MTMR4: variants seen among roughly 807,000 people sequenced by gnomAD.
MTMR4 encodes myotubularin related protein 4.
MTMR4 carries 30 observed loss-of-function variants against 125.5 expected under a neutral mutation model. The ratio of observed to expected loss-of-function variants is 0.24; its 90% CI spans 0.18 to 0.32. The LOEUF (loss-of-function observed/expected upper bound fraction) is 0.32. Among genes scored for constraint, MTMR4 ranks in the 10% least tolerant of loss-of-function variants. The probability of loss-of-function intolerance (pLI) is 1.00; values close to 1 mark genes in which losing one functional copy is unlikely to be tolerated. For missense variants in MTMR4, 1,039 were observed against 1,511.5 expected, an observed-to-expected ratio of 0.69 and a Z score of 5.18; for synonymous variants, 498 against 564.5, an observed-to-expected ratio of 0.88 and a Z score of 1.67.
intron 17 of MTMR4, 99 bp downstream of exon 17, chr17:58,492,412 G>A (rs181952986): frequency 6.5e-5 from 65 of 994,254 alleles, no homozygotes; most frequent in Non-Finnish European, 8.8e-5. Flanking sequence ...CTCATGATCC[G>A]CCTGCCTCGG....
In MTMR4 at chr17:58,512,816, G is replaced by T. The variant is rs1198609735; in HGVS notation, c.135+36C>A. 1 of 1,562,174 alleles carries T rather than the reference G, an allele frequency of 6.4e-7. No individual in the cohort carries two copies. Among genetic ancestry groups the T allele is most frequent in the African/African-American group, 1.4e-5 (1 of 73,592 alleles). On this transcript the variant is annotated intron_variant, in intron 2 of 17. Transcript: ENST00000682306. The surrounding 1 kb of genome is among the most constrained non-coding windows in gnomAD (Gnocchi z 4.1). ...GGAGGGTGTTTTTTAACTGGGCAGG[G>T]AGCCCCATCTATCCTGGCCCCCAAC...
chr17:58,503,287 A>C (rs572240448), intron 14 of MTMR4, among the ~76,000 whole-genome samples: 10 of 152,230 alleles, frequency 6.6e-5, no homozygotes, highest in African/African-American at 1.9e-4. Context: ...CACAGAGTGC[A>C]CTCCAGGCTA....
chr17:58,514,360 T>C lies in MTMR4; in HGVS notation c.45+3A>G. 1 of 987,964 alleles carries C rather than the reference T, an allele frequency of 1.0e-6. No homozygotes were observed. The highest frequency in any genetic ancestry group is 4.6e-5 in the South Asian group (1 of 21,640). The allele number at this position is 987,964 out of a possible 1,614,324, so 61.2% of individuals were successfully genotyped here. A position where few individuals can be genotyped will look rare whatever the true frequency, so the allele number is the denominator to read the frequency against. On this transcript the variant is annotated splice_donor_region_variant and intron_variant, in intron 1 of 17. Transcript: ENST00000682306. ...GGCCCCCAAAGGCAGGGTGGGCACTTACGAAGCAGCTAAGCATGGAGCAGG... is the reference window on the plus strand; with the variant it reads ...GGCCCCCAAAGGCAGGGTGGGCACTCACGAAGCAGCTAAGCATGGAGCAGG...
In MTMR4 at chr17:58,504,761, C is replaced by G. The variant is rs890698142; in HGVS notation, c.1341+18G>C. ...TGCCACATTCCTTCTGGTTTTCCCA[C>G]CGAATTCCTCTCAATACCTCCAACG... is the stretch of plus-strand genomic sequence containing the variant. On this transcript the variant is annotated intron_variant, in intron 11 of 17. Transcript: ENST00000682306. The surrounding 1 kb of genome is among the most constrained non-coding windows in gnomAD (Gnocchi z 7.1). 2 of 1,579,664 alleles carry G rather than the reference C, an allele frequency of 1.3e-6. No individual in the cohort carries two copies. The highest frequency in any genetic ancestry group is 2.7e-5 in the African/African-American group (2 of 74,398).
Position 58,504,785 on chromosome 17 carries a change from C to T in MTMR4, c.1335G>A (p.Thr445=), listed in dbSNP as rs772116451. Residue 445 remains threonine (T), a synonymous_variant, in exon 11 of 18, where the codon ACG becomes ACA. Transcript: ENST00000682306. This position sits in a 1 kb window ranked among gnomAD's most constrained non-coding sequence, Gnocchi z 7.1. ...AKILLDPYYR[T]LEGFQVLVES... is the part of the protein sequence containing the mutation. ...ACCGAATTCCTCTCAATACCTCCAA[C>T]GTCCTGTAATATGGGTCCAGTAATA... The T allele has an allele frequency of 5.8e-5, 93 of 1,599,906 alleles. 1 individual carries two copies. The highest frequency in any genetic ancestry group is 1.7e-4 in the Middle Eastern group (1 of 6,018).
rs778493303 is a variant in MTMR4, at chr17:58,495,374, G to A, written c.2810C>T (p.Thr937Ile). Reference sequence around the variant, plus strand: ...GCCATAGGAAAGCAGCCGCCGAGGGGTGGCCTCCCCACTTGGGAATGAAGT... The same window carrying A: ...GCCATAGGAAAGCAGCCGCCGAGGGATGGCCTCCCCACTTGGGAATGAAGT... ...MVTSFPSGEATPRRLLSYGCC... is the reference protein window; with the variant it reads ...MVTSFPSGEAIPRRLLSYGCC... The change falls in exon 15 of 18, where the codon ACC (threonine) becomes ATC (isoleucine). Residue 937 changes from threonine (T) to isoleucine (I), a missense_variant. Physicochemically the swap from Thr to Ile is moderately conservative, Grantham distance 89. Transcript: ENST00000682306. The A allele has an allele frequency of 2.1e-5, 34 of 1,614,230 alleles. No individual in the cohort carries two copies. The highest frequency in any genetic ancestry group is 2.9e-5 in the Non-Finnish European group (34 of 1,180,048).
chr17:58,505,161 A>G (rs1395560196), intron 10 of MTMR4, among the ~76,000 whole-genome samples, 187 bp from the exon 11 acceptor site: 1 of 152,238 alleles, frequency 6.6e-6, no homozygotes, highest in African/African-American at 2.4e-5. Context: ...TACAGCAGAT[A>G]AAAGCATCTG....
In MTMR4 at chr17:58,507,924, C is replaced by T. The variant is rs1355485262; in HGVS notation, c.707+237G>A. ...AAAATAATGTACTATTTTATACACA[C>T]ACACACACACACACACACACACACA... is the stretch of plus-strand genomic sequence containing the variant. On this transcript the variant is annotated intron_variant, in intron 7 of 17. Transcript: ENST00000682306. 6 of 85,822 alleles carry T rather than the reference C, an allele frequency of 7.0e-5. No individual in the cohort carries two copies. The East Asian group carries it at 1.8e-3, about 25-fold the overall frequency. 5.3% of individuals were successfully genotyped at this position (85,822 alleles called of 1,614,324 possible). A position where few individuals can be genotyped will look rare whatever the true frequency, so the allele number is the denominator to read the frequency against.
Position 58,514,503 on chromosome 17 carries a change from C to T in MTMR4, c.-96G>A. 2.0e-6 allele frequency: 2 copies of T among 985,148 alleles called. No individual in the cohort carries two copies. The highest frequency in any genetic ancestry group is 2.4e-6 in the Non-Finnish European group (2 of 829,890). 61.0% of individuals were successfully genotyped at this position (985,148 alleles called of 1,614,324 possible). The stretch of plus-strand genomic sequence containing the variant: ...GCCGCATCCCGGCTGCGGGGCTCGC[C>T]AGGTGCAGCCGCGGCGGCCAAGAGG... On this transcript the variant is annotated 5_prime_UTR_variant, in exon 1 of 18. Coordinates refer to ENST00000682306, the MANE Select transcript of MTMR4 (RefSeq NM_001378067.1).
Position 58,514,509 on chromosome 17 carries a change from C to A in MTMR4, c.-102G>T, listed in dbSNP as rs1042148263. 3.0e-6 allele frequency: 3 copies of A among 985,046 alleles called. No individual in the cohort carries two copies. In the African/African-American group the frequency reaches 5.2e-5, roughly 17 times the overall value. The allele number at this position is 985,046 out of a possible 1,614,324, so 61.0% of individuals were successfully genotyped here. A position where few individuals can be genotyped will look rare whatever the true frequency, so the allele number is the denominator to read the frequency against. On this transcript the variant is annotated 5_prime_UTR_variant, in exon 1 of 18. Transcript: ENST00000682306. ...TCCCGGCTGCGGGGCTCGCCAGGTG[C>A]AGCCGCGGCGGCCAAGAGGCTAGGG...
chr17:58,514,862 T>C (rs893326548), upstream of MTMR4: 3 of 447,298 alleles, frequency 6.7e-6, no homozygotes, highest in Non-Finnish European at 8.9e-6. Flanking sequence ...AGCCACCCCA[T>C]GCCCTCTTAC....
rs752678089 is a variant in MTMR4 at position 58,495,225 on chromosome 17, T to A, written c.2959A>T (p.Thr987Ser). The A allele has an allele frequency of 6.2e-7, 1 of 1,614,184 alleles. No individual in the cohort carries two copies. Among genetic ancestry groups the A allele is most frequent in the Non-Finnish European group, 8.5e-7 (1 of 1,180,028 alleles). Residue 987 changes from threonine to serine, a missense_variant, in exon 15 of 18, where the codon ACT becomes TCT. Coordinates refer to ENST00000682306, the MANE Select transcript of MTMR4 (RefSeq NM_001378067.1). ...VCSSHSNGHC[T>S]GPGGKNQMWL... Reference sequence around the variant, plus strand: ...ATCTGGTTCTTTCCTCCTGGGCCAGTACAATGTCCATTGGAATGACTAGAA... The same window carrying A: ...ATCTGGTTCTTTCCTCCTGGGCCAGAACAATGTCCATTGGAATGACTAGAA...
At chr17:58,507,424 T>G in intron 7 of MTMR4, 105 bp from the exon 8 acceptor site, 2 of 968,008 alleles carry the variant, frequency 2.1e-6, no homozygotes, top group Non-Finnish European at 3.0e-6. Flanking sequence ...GGCTACCAAC[T>G]CATCCAGGCC....
chr17:58,517,533 ACT>A (rs2042034386), upstream of MTMR4, among the ~76,000 whole-genome samples: 3 of 152,354 alleles, frequency 2.0e-5, no homozygotes, highest in Admixed American at 6.5e-5. Flanking sequence ...CTCACCGCCC[ACT>A]GGCAGCAGCC....
intron 4 of MTMR4, chr17:58,511,159 T>G: frequency 3.2e-6 from 1 of 308,572 alleles, no homozygotes; most frequent in Admixed American, 5.1e-5. Context: ...CTGTGCCAGA[T>G]ATTGTCCTCG....
chr17:58,516,408 G>A (rs1976086348), upstream of MTMR4, among the ~76,000 whole-genome samples: 1 of 152,210 alleles, frequency 6.6e-6, no homozygotes, highest in Non-Finnish European at 1.5e-5. Flanking sequence ...TATACTGGCT[G>A]ATGTTTTGCA....
Position 58,504,929 on chromosome 17 carries a change from C to G in MTMR4, c.1191G>C (p.Ser397=). 1.9e-6 allele frequency: 3 copies of G among 1,613,598 alleles called. No individual in the cohort carries two copies. The highest frequency in any genetic ancestry group is 2.2e-5 in the East Asian group (1 of 44,876). Residue 397 remains serine, a synonymous_variant, in exon 11 of 18, where the codon TCG becomes TCC. Coordinates refer to ENST00000682306, the MANE Select transcript of MTMR4 (RefSeq NM_001378067.1). This position sits in a 1 kb window ranked among gnomAD's most constrained non-coding sequence, Gnocchi z 7.1. ...LESTKWLQHL[S]VMLKAAVLVA... ...CCAGCACAGCTGCTTTTAGCATCAC[C>G]GACAAGTGCTGCAGCCATTTGGTAC...
chr17:58,516,965 G>T (rs961561089), upstream of MTMR4, among the ~76,000 whole-genome samples: 2 of 152,246 alleles, frequency 1.3e-5, no homozygotes, highest in African/African-American at 4.8e-5. Context: ...AGAGACACAG[G>T]CTGCCCAACT....
Position 58,490,317 on chromosome 17 carries a change from C to T in MTMR4, c.*1346G>A, listed in dbSNP as rs1180340800. 6.6e-6 allele frequency: 1 copy of T among 152,396 alleles called. No homozygotes were observed. The highest frequency in any genetic ancestry group is 2.4e-5 in the African/African-American group (1 of 41,352). The allele number at this position is 152,396 out of a possible 1,614,324, so 9.4% of individuals were successfully genotyped here. A position where few individuals can be genotyped will look rare whatever the true frequency, so the allele number is the denominator to read the frequency against. ...AAAGTCCTAGTGGTTTCATTATAGG[C>T]CAAGGAGACTGTATCTGTCCCACCC... On this transcript the variant is annotated 3_prime_UTR_variant, in exon 18 of 18. Transcript: ENST00000682306.
Sources: gnomAD v4.1 joint callset for allele counts (sites outside exome capture counted in the v4.1 genomes callset) on GRCh38, gnomAD v4.1.1 for gene constraint, Gnocchi (gnomAD v3.1) non-coding constraint, MANE v1.5 for transcripts, NCBI Gene and HGNC (gene_info 2026-07-23, HGNC 2026-07-21) for gene names.